The following GLRX3 variants were observed in gnomAD, a reference collection of about 807,000 sequenced individuals.
The protein encoded by GLRX3 is glutaredoxin 3, also known as glutaredoxin-3.
In GLRX3, 22 loss-of-function variants were observed where a neutral mutation model predicts 49.5. That is an observed-to-expected ratio of 0.44 (90% CI 0.32 to 0.63). The LOEUF (loss-of-function observed/expected upper bound fraction) is 0.63, where lower values mean the gene tolerates loss of function less well. GLRX3 is among the 30% of genes least tolerant of loss of function. GLRX3 has a pLI of 0.05. For synonymous variants in GLRX3, 133 were observed against 140.0 expected (o/e 0.95, Z 0.35); for missense variants, 385 against 396.3 (o/e 0.97, Z 0.24).
chr10:130,153,612 G>C (rs1262562121), intron 2 of GLRX3, among the ~76,000 whole-genome samples: 1 of 152,160 alleles, frequency 6.6e-6, no homozygotes, highest in African/African-American at 2.4e-5. Context: ...GTTTGTCTGG[G>C]TATCACCAGC....
chr10:130,148,348 C>G (rs537394946), intron 2 of GLRX3, among the ~76,000 whole-genome samples: 1 of 147,610 alleles, frequency 6.8e-6, no homozygotes, highest in African/African-American at 2.5e-5. Flanking sequence ...TCAGGCTGGT[C>G]TTGAACTCAT....
chr10:130,174,771 C>A, intron 8 of GLRX3, 96 bp from the exon 9 acceptor site: 1 of 789,568 alleles, frequency 1.3e-6, no homozygotes, highest in Non-Finnish European at 2.2e-6. Flanking sequence ...AGCAGTGAAA[C>A]GGTTTTCTTG....
chr10:130,145,104 C>T (rs1040960216), intron 1 of GLRX3, 107 bp from the exon 2 acceptor site: 16 of 509,418 alleles, frequency 3.1e-5, no homozygotes, highest in East Asian at 2.7e-4. Flanking sequence ...AAACTTCAGA[C>T]GGTTCTTTTA....
Position 130,171,564 on chromosome 10 carries a change from G to C in GLRX3, c.772-20G>C. 1 of 1,417,192 alleles carries C rather than the reference G, an allele frequency of 7.1e-7. No individual in the cohort carries two copies. Among genetic ancestry groups the C allele is most frequent in the African/African-American group, 1.4e-5 (1 of 71,128 alleles). 87.8% of individuals were successfully genotyped at this position (1,417,192 alleles called of 1,614,324 possible). Reference sequence around the variant, plus strand: ...GGGTCATACAAAAATTGTAATCTTTGCAAATTTTTTTTCATTTAGGAAGCA... The same window carrying C: ...GGGTCATACAAAAATTGTAATCTTTCCAAATTTTTTTTCATTTAGGAAGCA... On this transcript the variant is annotated intron_variant, in intron 7 of 10. Transcript: ENST00000331244.
Position 130,172,778 on chromosome 10 carries a change from C to A in GLRX3, c.824+1142C>A, listed in dbSNP as rs564635905. Among the ~76,000 whole-genome samples, 7 of 152,188 alleles carry A rather than the reference C, an allele frequency of 4.6e-5. No homozygotes were observed. In the East Asian group the frequency reaches 1.4e-3, roughly 29 times the overall value. The stretch of plus-strand genomic sequence containing the variant: ...CGAACATGGTGAAACCCCGCCTCTA[C>A]TAAAAATACAAAAATTAGCCGGGTG... On this transcript the variant is annotated intron_variant, in intron 8 of 10. Transcript: ENST00000331244.
chr10:130,145,816 T>TC (rs1240804995), intron 2 of GLRX3, among the ~76,000 whole-genome samples: 104 of 149,760 alleles, frequency 6.9e-4, no homozygotes, highest in African/African-American at 1.6e-3. Flanking sequence ...TTTTTTTTTT[T>TC]TTTGAGACAG....
chr10:130,171,431 T>A (rs1862806019), intron 7 of GLRX3, among the ~76,000 whole-genome samples, 153 bp from the exon 8 acceptor site: 1 of 151,748 alleles, frequency 6.6e-6, no homozygotes, highest in Admixed American at 6.6e-5. Context: ...GGTTCGTACT[T>A]GAAGAGGGGA....
At chr10:130,157,846 C>G (rs572315215) in intron 2 of GLRX3, among the ~76,000 whole-genome samples, 2 of 152,244 alleles carry the variant, frequency 1.3e-5, no homozygotes, top group South Asian at 4.1e-4. Flanking sequence ...TTGAGCTCTT[C>G]TGAATGCAGA....
At chr10:130,160,336 G>T (rs370791124) in intron 3 of GLRX3, among the ~76,000 whole-genome samples, 8 of 150,806 alleles carry the variant, frequency 5.3e-5, no homozygotes, top group East Asian at 3.9e-4. Context: ...CAGATATGTG[G>T]CTGTGGAACC....
chr10:130,161,359 C>T (rs1366022768), intron 4 of GLRX3, among the ~76,000 whole-genome samples: 1 of 152,186 alleles, frequency 6.6e-6, no homozygotes. Flanking sequence ...TGTTTATCTA[C>T]TTTTGCTGTT....
Position 130,176,678 on chromosome 10 carries a change from A to G in GLRX3, c.957+1589A>G, listed in dbSNP as rs540508001. Among the ~76,000 whole-genome samples the G allele has an allele frequency of 2.0e-5, 3 of 152,156 alleles. No homozygotes were observed. The South Asian group carries it at 6.2e-4, about 32-fold the overall frequency. ...CTCACTCCTGGAGGAAAAAATTTTT[A>G]AGACTATTGCTCTTGAATAGCCCTG... On this transcript the variant is annotated intron_variant, in intron 10 of 10. Coordinates refer to ENST00000331244, the MANE Select transcript of GLRX3 (RefSeq NM_006541.5).
intron 3 of GLRX3, 91 bp from the exon 4 acceptor site, chr10:130,160,705 G>A (rs571875003): frequency 1.3e-4 from 99 of 749,528 alleles, no homozygotes; most frequent in South Asian, 9.4e-4. Context: ...TTACATCTCC[G>A]GTAATACTGT....
intron 2 of GLRX3, among the ~76,000 whole-genome samples, chr10:130,150,082 C>G (rs2134883971): frequency 6.6e-6 from 1 of 150,728 alleles, no homozygotes; most frequent in South Asian, 2.1e-4. Flanking sequence ...ACTAAAAATA[C>G]AAAAAAAATC....
In GLRX3 at chr10:130,175,000, C is replaced by T. The variant is rs755871807; in HGVS notation, c.868C>T (p.Arg290Trp). The T allele has an allele frequency of 5.2e-5, 84 of 1,604,652 alleles. No individual in the cohort carries two copies. The highest frequency in any genetic ancestry group is 6.4e-5 in the Non-Finnish European group (75 of 1,171,644). The change falls in exon 10 of 11, where the codon CGG becomes TGG. Residue 290 changes from arginine (R) to tryptophan (W), a missense_variant. Coordinates refer to ENST00000331244, the MANE Select transcript of GLRX3 (RefSeq NM_006541.5). Reference sequence around the variant, plus strand: ...AGGATTCCTGTTGTTTCTTTAGGTTCGGCAAGGATTAAAAGCTTACTCAAA... The same window carrying T: ...AGGATTCCTGTTGTTTCTTTAGGTTTGGCAAGGATTAAAAGCTTACTCAAA... ...TFDILEDEEV[R>W]QGLKAYSNWP...
chr10:130,157,401 G>A (rs1564993089), intron 2 of GLRX3, among the ~76,000 whole-genome samples: 1 of 147,540 alleles, frequency 6.8e-6, no homozygotes, highest in African/African-American at 2.5e-5. Context: ...GAGAGAAAGA[G>A]GGAGAAAGAC....
chr10:130,171,579 T>G lies in GLRX3; in HGVS notation c.772-5T>G. 1 of 1,502,010 alleles carries G rather than the reference T, an allele frequency of 6.7e-7. No individual in the cohort carries two copies. The highest frequency in any genetic ancestry group is 9.3e-7 in the Non-Finnish European group (1 of 1,077,704). 93.0% of individuals were successfully genotyped at this position (1,502,010 alleles called of 1,614,324 possible). On this transcript the variant is annotated splice_polypyrimidine_tract_variant and splice_region_variant and intron_variant, in intron 7 of 10. Coordinates refer to ENST00000331244, the MANE Select transcript of GLRX3 (RefSeq NM_006541.5). ...TGTAATCTTTGCAAATTTTTTTTCA[T>G]TTAGGAAGCAAAATGTGGATTCAGC...
Position 130,171,595 on chromosome 10 carries a change from TG to T in GLRX3, c.785del (p.Gly262AspfsTer10). The T allele has an allele frequency of 1.3e-6, 2 of 1,542,362 alleles. No individual in the cohort carries two copies. Among genetic ancestry groups the T allele is most frequent in the South Asian group, 1.1e-5 (1 of 89,650 alleles). On this transcript the variant is annotated frameshift_variant, in exon 8 of 11. Transcript: ENST00000331244. LOFTEE classifies it high-confidence loss of function. ...MKGNKQEAKC[G>X]FSKQILEILN... Reference sequence around the variant, plus strand: ...TTTTTTTCATTTAGGAAGCAAAATGTGGATTCAGCAAACAAATTCTGGAAAT... The same window carrying T: ...TTTTTTTCATTTAGGAAGCAAAATGTGATTCAGCAAACAAATTCTGGAAAT...
chr10:130,161,708 T>C (rs1268986121), intron 4 of GLRX3, among the ~76,000 whole-genome samples: 1 of 152,208 alleles, frequency 6.6e-6, no homozygotes, highest in African/African-American at 2.4e-5. Context: ...AGTACAACAT[T>C]AGTATGCTGC....
rs887698729 is a variant in GLRX3, at chr10:130,167,045, C to T, written c.713+65C>T. The T allele has an allele frequency of 3.7e-5, 30 of 813,730 alleles. 1 individual carries two copies. In the Admixed American group the frequency reaches 7.2e-4, roughly 20 times the overall value. The allele number at this position is 813,730 out of a possible 1,614,324, so 50.4% of individuals were successfully genotyped here. A position where few individuals can be genotyped will look rare whatever the true frequency, so the allele number is the denominator to read the frequency against. On this transcript the variant is annotated intron_variant, in intron 6 of 10. Coordinates refer to ENST00000331244, the MANE Select transcript of GLRX3 (RefSeq NM_006541.5). The stretch of plus-strand genomic sequence containing the variant: ...TATATTAAAAATATTTTAAAGTCCT[C>T]AGGTTTTGCATTGCTCTTTCTGTGT...
Sources: allele counts gnomAD v4.1 joint callset (sites outside exome capture counted in the v4.1 genomes callset), GRCh38; gene constraint gnomAD v4.1.1; transcripts MANE v1.5; gene names NCBI Gene and HGNC (gene_info 2026-07-23, HGNC 2026-07-21).